Variants in MCM3AP observed in about 807,000 individuals in gnomAD.
MCM3AP encodes the protein minichromosome maintenance complex component 3 associated protein.
A neutral mutation model predicts 184.1 loss-of-function variants in MCM3AP; 126 were observed. That is an observed-to-expected ratio of 0.68 (90% CI 0.59 to 0.79). The LOEUF is 0.79. MCM3AP is among the 30% of genes least tolerant of loss of function. The pLI is 0.00. For missense variants in MCM3AP, 2,496 were observed against 2,479.2 expected, an observed-to-expected ratio of 1.01 and a Z score of -0.14; for synonymous variants, 1,002 against 979.3, an observed-to-expected ratio of 1.02 and a Z score of -0.43.
rs2081406757 is a variant in MCM3AP, at chr21:46,285,591, T to TA, written c.-306dup. 1 of 279,996 alleles carries TA rather than the reference T, an allele frequency of 3.6e-6. No homozygotes were observed. The highest frequency in any genetic ancestry group is 6.7e-6 in the Non-Finnish European group (1 of 149,818). The allele number at this position is 279,996 out of a possible 1,614,324, so 17.3% of individuals were successfully genotyped here. ...AAATAATTACTTTGTTACAGAGGTTTAAAGCGTGATCCTTTAAGATTAAAA... is the reference window on the plus strand; with the variant it reads ...AAATAATTACTTTGTTACAGAGGTTTAAAAGCGTGATCCTTTAAGATTAAAA... On this transcript the variant is annotated 5_prime_UTR_variant, in exon 1 of 28. Transcript: ENST00000291688.
chr21:46,254,855 A>G lies in MCM3AP; in HGVS notation c.3933-11T>C. The G allele has an allele frequency of 6.2e-7, 1 of 1,611,518 alleles. No homozygotes were observed. Among genetic ancestry groups the G allele is most frequent in the South Asian group, 1.1e-5 (1 of 91,026 alleles). ...CTGAGCCGCCTTAACCTGCAAAGGAAAGCAGAATGACAGTGTCCCCGCAGG... is the reference window on the plus strand; with the variant it reads ...CTGAGCCGCCTTAACCTGCAAAGGAGAGCAGAATGACAGTGTCCCCGCAGG... On this transcript the variant is annotated splice_polypyrimidine_tract_variant and intron_variant, in intron 17 of 27. Transcript: ENST00000291688.
chr21:46,264,407 G>A (rs1387091647), intron 12 of MCM3AP, among the ~76,000 whole-genome samples, 190 bp from the exon 13 acceptor site: 6 of 152,164 alleles, frequency 3.9e-5, no homozygotes, highest in African/African-American at 1.2e-4. Flanking sequence ...AGAGGAAGGC[G>A]CCCTGCGGAT....
intron 19 of MCM3AP, chr21:46,252,677 C>T (rs1207501252): frequency 1.3e-5 from 2 of 149,732 alleles, no homozygotes; most frequent in African/African-American, 4.9e-5. Flanking sequence ...GAGTGAGACT[C>T]CATCTAAAAA....
intron 26 of MCM3AP, among the ~76,000 whole-genome samples, chr21:46,240,088 A>T (rs1032035713): frequency 1.3e-5 from 2 of 152,162 alleles, no homozygotes; most frequent in Non-Finnish European, 2.9e-5. Flanking sequence ...TGTGCTGCTG[A>T]TGGGCACCAC....
rs535279323 is a variant in MCM3AP at position 46,258,443 on chromosome 21, T to C, written c.3734+496A>G. On this transcript the variant is annotated intron_variant, in intron 16 of 27. Coordinates refer to ENST00000291688, the MANE Select transcript of MCM3AP (RefSeq NM_003906.5). ...AAAAGTAACCACTATGCTGAGATTA[T>C]GATCATTATTTTCCTTCTTTTCTTT... is the stretch of plus-strand genomic sequence containing the variant. Among the ~76,000 whole-genome samples, 8 of 152,344 alleles carry C rather than the reference T, an allele frequency of 5.3e-5. No homozygotes were observed. In the South Asian group the frequency reaches 1.7e-3, roughly 32 times the overall value.
Position 46,267,008 on chromosome 21 carries a change from G to A in MCM3AP, c.2763C>T (p.Thr921=), listed in dbSNP as rs1239436646. 1 of 1,614,180 alleles carries A rather than the reference G, an allele frequency of 6.2e-7. No individual in the cohort carries two copies. The highest frequency in any genetic ancestry group is 1.7e-5 in the Admixed American group (1 of 60,026). ...RDCEEATDFL[T]CHGLTVSDGC... is the part of the protein sequence containing the mutation. ...CGTCGGAAACGGTGAGGCCGTGGCAGGTGAGGAAGTCGGTGGCCTCTTCAC... is the reference window on the plus strand; with the variant it reads ...CGTCGGAAACGGTGAGGCCGTGGCAAGTGAGGAAGTCGGTGGCCTCTTCAC... The change falls in exon 10 of 28, where the codon ACC becomes ACT. Residue 921 remains threonine (T), a synonymous_variant. Transcript: ENST00000291688.
At chr21:46,251,092 C>T (rs1452173820) in intron 20 of MCM3AP, 1 of 152,848 alleles carries the variant, frequency 6.5e-6, no homozygotes, top group African/African-American at 2.4e-5. Flanking sequence ...AAGGTAACAG[C>T]AGCAGTAAAC....
chr21:46,276,711 G>A (rs2081259616), intron 5 of MCM3AP, among the ~76,000 whole-genome samples: 1 of 150,878 alleles, frequency 6.6e-6, no homozygotes, highest in Admixed American at 6.6e-5. Flanking sequence ...AAAGTGCTGG[G>A]ATTACAGGCG....
Position 46,246,393 on chromosome 21 carries a change from G to A in MCM3AP, c.4561C>T (p.Gln1521Ter). The A allele has an allele frequency of 6.2e-7, 1 of 1,605,786 alleles. No homozygotes were observed. Among genetic ancestry groups the A allele is most frequent in the Non-Finnish European group, 8.5e-7 (1 of 1,172,424 alleles). ...EKEVEDGLML[Q>*]DLVSAKLISD... ...ATCAGCTTAGCTGAAACCAAGTCCTGTAGCATCAGACCTTTAAGACAGACA... is the reference window on the plus strand; with the variant it reads ...ATCAGCTTAGCTGAAACCAAGTCCTATAGCATCAGACCTTTAAGACAGACA... Residue 1521 changes from glutamine (Q) to a stop codon, truncating the protein, a stop_gained, in exon 22 of 28, where the codon CAG (glutamine) becomes TAG (stop). Transcript: ENST00000291688. LOFTEE classifies it high-confidence loss of function.
chr21:46,253,618 G>C (rs1408960733), intron 19 of MCM3AP: 1 of 151,908 alleles, frequency 6.6e-6, no homozygotes, highest in Non-Finnish European at 1.5e-5. Flanking sequence ...GGTTAAGTGT[G>C]TGACAACTCC....
chr21:46,249,475 C>T (rs531378661), intron 20 of MCM3AP: 5 of 401,826 alleles, frequency 1.2e-5, no homozygotes, highest in African/African-American at 2.1e-5. Context: ...AGGCATAAGC[C>T]ACTATGCGCG....
chr21:46,281,037 C>T lies in MCM3AP; in HGVS notation c.1444-462G>A, dbSNP rs548765701. On this transcript the variant is annotated intron_variant, in intron 2 of 27. Transcript: ENST00000291688. ...GCCAGGATGGTCTTGATCTCCTGAC[C>T]TCAGGTGATCCGCCCACCTTGGCCT... Among the ~76,000 whole-genome samples, 8 of 152,336 alleles carry T rather than the reference C, an allele frequency of 5.3e-5. No individual in the cohort carries two copies. In the East Asian group the frequency reaches 1.5e-3, roughly 29 times the overall value.
chr21:46,274,219 G>A (rs1210699796), intron 6 of MCM3AP, among the ~76,000 whole-genome samples: 1 of 152,236 alleles, frequency 6.6e-6, no homozygotes, highest in East Asian at 1.9e-4. Context: ...AAGCCCATAA[G>A]CAAAATTCAC....
rs752660262 is a variant in MCM3AP at position 46,284,190 on chromosome 21, A to C, written c.1097T>G (p.Phe366Cys). 1 of 1,614,158 alleles carries C rather than the reference A, an allele frequency of 6.2e-7. No individual in the cohort carries two copies. The change falls in exon 1 of 28, where the codon TTT becomes TGT. Residue 366 changes from phenylalanine (F) to cysteine (C), a missense_variant. Physicochemically the swap from Phe to Cys is radical, Grantham distance 205. Transcript: ENST00000291688. ...GTGGTCACTTTCTGCAGACTCAACAAAGCCAGTTTCCTTTTTGGCCTCCTT... is the reference window on the plus strand; with the variant it reads ...GTGGTCACTTTCTGCAGACTCAACACAGCCAGTTTCCTTTTTGGCCTCCTT... ...GNKEAKKETG[F>C]VESAESDHMA... is the part of the protein sequence containing the mutation.
At chr21:46,235,609 G>C (rs912982851) in intron 27 of MCM3AP, among the ~76,000 whole-genome samples, 183 bp from the exon 28 acceptor site, 2 of 152,152 alleles carry the variant, frequency 1.3e-5, no homozygotes, top group African/African-American at 4.8e-5. Flanking sequence ...ACATTCAGCT[G>C]GTATCTGTAT....
chr21:46,248,217 A>G (rs2080808422), intron 20 of MCM3AP, among the ~76,000 whole-genome samples: 1 of 152,108 alleles, frequency 6.6e-6, no homozygotes. Flanking sequence ...GGCACCCACC[A>G]CTGCAGGCAA....
At chr21:46,259,898 C>T (rs913406400) in intron 15 of MCM3AP, among the ~76,000 whole-genome samples, 12 of 137,350 alleles carry the variant, frequency 8.7e-5, no homozygotes, top group Non-Finnish European at 1.4e-4. Flanking sequence ...GAGTAAAACT[C>T]CATTTCAAAA....
chr21:46,278,270 G>A (rs990985820), intron 4 of MCM3AP, among the ~76,000 whole-genome samples: 1 of 152,048 alleles, frequency 6.6e-6, no homozygotes, highest in Non-Finnish European at 1.5e-5. Flanking sequence ...ATATCATAAG[G>A]AAATATTAAG....
intron 17 of MCM3AP, among the ~76,000 whole-genome samples, chr21:46,255,543 G>C (rs892076359): frequency 6.6e-5 from 10 of 152,168 alleles, no homozygotes; most frequent in Non-Finnish European, 1.3e-4. Flanking sequence ...GGGTCTGAGA[G>C]AGATGCAAGC....
Sources: gnomAD v4.1 joint callset for allele counts (sites outside exome capture counted in the v4.1 genomes callset) on GRCh38, gnomAD v4.1.1 for gene constraint, MANE v1.5 for transcripts, NCBI Gene and HGNC (gene_info 2026-07-23, HGNC 2026-07-21) for gene names.